The following PIK3C2G variants were observed in gnomAD, a reference collection of about 807,000 sequenced individuals.
The protein encoded by PIK3C2G is phosphatidylinositol 3-kinase C2 domain-containing subunit gamma.
A neutral mutation model predicts 181.1 loss-of-function variants in PIK3C2G; 168 were observed. That is an observed-to-expected ratio of 0.93 (90% CI 0.82 to 1.05). The LOEUF (loss-of-function observed/expected upper bound fraction) is 1.05. PIK3C2G is among the 50% of genes least tolerant of loss of function. The pLI, the probability that PIK3C2G is intolerant of heterozygous loss-of-function variation, is 0.00. For missense variants in PIK3C2G, 1,869 were observed against 1,732.8 expected (o/e 1.08, Z -1.40); for synonymous variants, 573 against 592.2 (o/e 0.97, Z 0.47).
At chr12:18,560,739 T>C (rs1945301678) in intron 26 of PIK3C2G, among the ~76,000 whole-genome samples, 1 of 152,026 alleles carries the variant, frequency 6.6e-6, no homozygotes, top group Middle Eastern at 3.4e-3. Context: ...ATACTAAGAC[T>C]ATAAGAAAAA....
intron 3 of PIK3C2G, among the ~76,000 whole-genome samples, chr12:18,288,248 T>G (rs1335826425): frequency 6.6e-6 from 1 of 152,216 alleles, no homozygotes; most frequent in African/African-American, 2.4e-5. Context: ...TGAAATATAA[T>G]AACTATACAT....
At chr12:18,479,523 G>T (rs927569113) in intron 18 of PIK3C2G, among the ~76,000 whole-genome samples, 3 of 152,146 alleles carry the variant, frequency 2.0e-5, no homozygotes, top group African/African-American at 7.2e-5. Flanking sequence ...TGGAGCTGAG[G>T]TAAGGATTGC....
chr12:18,564,090 A>G (rs1284493556), intron 28 of PIK3C2G, among the ~76,000 whole-genome samples: 1 of 151,878 alleles, frequency 6.6e-6, no homozygotes, highest in Non-Finnish European at 1.5e-5. Context: ...TCTAAATTGA[A>G]TTTGTTATTT....
intron 5 of PIK3C2G, among the ~76,000 whole-genome samples, chr12:18,311,005 C>T (rs1388491732): frequency 6.6e-6 from 1 of 151,758 alleles, no homozygotes; most frequent in Non-Finnish European, 1.5e-5. Flanking sequence ...AATTGTTTTT[C>T]CAGAAAAAGG....
intron 11 of PIK3C2G, among the ~76,000 whole-genome samples, chr12:18,350,164 G>A (rs1249037949): frequency 6.6e-6 from 1 of 152,156 alleles, no homozygotes; most frequent in Non-Finnish European, 1.5e-5. Context: ...CAGTGAAAGT[G>A]AGTCCAGAGC....
intron 11 of PIK3C2G, among the ~76,000 whole-genome samples, chr12:18,352,806 C>T (rs978862017): frequency 2.6e-5 from 4 of 152,100 alleles, no homozygotes; most frequent in African/African-American, 4.8e-5. Context: ...TTTGAGATCC[C>T]GCTGTCAAGC....
chr12:18,617,896 G>A (rs543671231), intron 31 of PIK3C2G, among the ~76,000 whole-genome samples: 18 of 152,264 alleles, frequency 1.2e-4, no homozygotes, highest in Non-Finnish European at 2.1e-4. Context: ...AGGCTATTAT[G>A]TATGTGCTGA....
intron 29 of PIK3C2G, among the ~76,000 whole-genome samples, chr12:18,575,230 G>T (rs1009053629): frequency 6.6e-6 from 1 of 152,096 alleles, no homozygotes; most frequent in Non-Finnish European, 1.5e-5. Context: ...TCAAATTATA[G>T]TTCCTATATG....
the PIK3C2G span, among the ~76,000 whole-genome samples, chr12:18,722,424 TAA>T: frequency 6.6e-6 from 1 of 152,066 alleles, no homozygotes; most frequent in Non-Finnish European, 1.5e-5. Context: ...AATGCAGAAA[TAA>T]GTTTGGTTTT....
intron 14 of PIK3C2G, among the ~76,000 whole-genome samples, chr12:18,387,948 T>C (rs1441234053): frequency 6.6e-6 from 1 of 152,218 alleles, no homozygotes; most frequent in Non-Finnish European, 1.5e-5. Context: ...GCAAGACGTC[T>C]CCTTAAACCA....
At chr12:18,259,346 G>A (rs181953120), upstream of PIK3C2G, among the ~76,000 whole-genome samples, 11 of 152,164 alleles carry the variant, frequency 7.2e-5, no homozygotes, top group African/African-American at 2.4e-4. Context: ...AGCCAGCTTC[G>A]GGGTCTGGGT....
downstream of PIK3C2G, among the ~76,000 whole-genome samples, chr12:18,648,573 C>T (rs1294661102): frequency 6.6e-6 from 1 of 152,118 alleles, no homozygotes; most frequent in Non-Finnish European, 1.5e-5. Context: ...TTCTTACATT[C>T]AATTGTTGGA....
chr12:18,439,258 T>A (rs4601841), intron 18 of PIK3C2G, among the ~76,000 whole-genome samples: 151,804 of 152,138 alleles, frequency 1, 75,736 homozygotes, highest in Middle Eastern at 1. Context: ...TTAGTGTCAG[T>A]GAAATTTAAC....
intron 9 of PIK3C2G, 105 bp downstream of exon 9, chr12:18,338,653 T>TTGTGTG: frequency 1.4e-6 from 1 of 716,532 alleles, no homozygotes. Flanking sequence ...GTGTGTATGT[T>TTGTGTG]TGTGTGTATC....
the PIK3C2G span, among the ~76,000 whole-genome samples, chr12:18,695,628 G>A: frequency 1.3e-5 from 2 of 151,938 alleles, no homozygotes; most frequent in Non-Finnish European, 2.9e-5. Context: ...TACAGGCCTT[G>A]CCACAATCCA....
intron 18 of PIK3C2G, among the ~76,000 whole-genome samples, chr12:18,428,335 TAA>T (rs558543703): frequency 7.7e-5 from 11 of 141,944 alleles, no homozygotes; most frequent in South Asian, 4.5e-4. Flanking sequence ...AAGTCTTATT[TAA>T]AAAAAAAAAA....
At chr12:18,656,975 T>G in the PIK3C2G span, among the ~76,000 whole-genome samples, 1 of 152,166 alleles carries the variant, frequency 6.6e-6, no homozygotes, top group African/African-American at 2.4e-5. Context: ...CAGCTCACAT[T>G]TTTTGTATAG....
upstream of PIK3C2G, among the ~76,000 whole-genome samples, chr12:18,247,034 T>A (rs897033636): frequency 2.6e-5 from 4 of 152,220 alleles, no homozygotes; most frequent in African/African-American, 9.6e-5. Context: ...ACATAATATG[T>A]ACTCAAATTC....
At chr12:18,698,049 C>T in the PIK3C2G span, among the ~76,000 whole-genome samples, 3 of 151,590 alleles carry the variant, frequency 2.0e-5, no homozygotes, top group South Asian at 4.2e-4. Flanking sequence ...GCCTACAGGT[C>T]CTGTCCTCAT....
Sources: gnomAD v4.1 joint callset for allele counts (sites outside exome capture counted in the v4.1 genomes callset) on GRCh38, gnomAD v4.1.1 for gene constraint, MANE v1.5 for transcripts, NCBI Gene and HGNC (gene_info 2026-07-23, HGNC 2026-07-21) for gene names.